UNC5A: variants seen among roughly 807,000 people sequenced by gnomAD.
UNC5A encodes the protein unc-5 netrin receptor A.
A neutral mutation model predicts 87.4 loss-of-function variants in UNC5A; 20 were observed. That is an observed-to-expected ratio of 0.23 (90% CI 0.16 to 0.33). The LOEUF is 0.33. UNC5A is among the 10% of genes least tolerant of loss of function. The pLI is 1.00. For synonymous variants in UNC5A, 438 were observed against 482.3 expected, an observed-to-expected ratio of 0.91 and a Z score of 1.20; for missense variants, 844 against 1,133.4, an observed-to-expected ratio of 0.74 and a Z score of 3.67.
chr5:176,832,191 C>G (rs1037797012), intron 1 of UNC5A, among the ~76,000 whole-genome samples: 5 of 152,214 alleles, frequency 3.3e-5, no homozygotes, highest in Non-Finnish European at 5.9e-5. Flanking sequence ...GCCACCATGC[C>G]TGGCCTCACA....
At chr5:176,813,947 G>T (rs185057466) in intron 1 of UNC5A, among the ~76,000 whole-genome samples, 2 of 152,254 alleles carry the variant, frequency 1.3e-5, no homozygotes, top group East Asian at 1.9e-4. Context: ...CCTCCCAAGG[G>T]CCCTGCCGTC....
chr5:176,843,966 A>G (rs1757341374), intron 1 of UNC5A, among the ~76,000 whole-genome samples: 1 of 152,274 alleles, frequency 6.6e-6, no homozygotes, highest in African/African-American at 2.4e-5. Flanking sequence ...CGTTAGCAAG[A>G]AAGATGCCAC....
chr5:176,858,147 G>A (rs1010130192), intron 1 of UNC5A, among the ~76,000 whole-genome samples: 3 of 152,246 alleles, frequency 2.0e-5, no homozygotes, highest in Non-Finnish European at 4.4e-5. Context: ...GCACGGCATG[G>A]ACCGAGGATG....
chr5:176,865,389 C>G lies in UNC5A; in HGVS notation c.292+2544C>G, dbSNP rs1206119648. The G allele has an allele frequency of 2.8e-6, 1 of 351,970 alleles. No individual in the cohort carries two copies. Among genetic ancestry groups the G allele is most frequent in the Non-Finnish European group, 5.6e-6 (1 of 178,288 alleles). The allele number at this position is 351,970 out of a possible 1,614,324, so 21.8% of individuals were successfully genotyped here. On this transcript the variant is annotated intron_variant, in intron 2 of 14. Coordinates refer to ENST00000329542, the MANE Select transcript of UNC5A (RefSeq NM_133369.3). The surrounding 1 kb of genome is among the most constrained non-coding windows in gnomAD (Gnocchi z 5.3). ...CCTTGCCTGAATGAGCAGTCGCAGG[C>G]CCGGGCCGGCACACACACCGGGAGC...
chr5:176,849,986 C>T lies in UNC5A; in HGVS notation c.71-12638C>T, dbSNP rs375482386. Among the ~76,000 whole-genome samples the T allele has an allele frequency of 9.2e-5, 14 of 152,348 alleles. No individual in the cohort carries two copies. The East Asian group carries it at 1.9e-3, about 21-fold the overall frequency. On this transcript the variant is annotated intron_variant, in intron 1 of 14. Coordinates refer to ENST00000329542, the MANE Select transcript of UNC5A (RefSeq NM_133369.3). Reference sequence around the variant, plus strand: ...TGGACACTGCTGAGAAGAGTTGGCTCCCACCTGCTGTGTGCACTGGAGGGT... The same window carrying T: ...TGGACACTGCTGAGAAGAGTTGGCTTCCACCTGCTGTGTGCACTGGAGGGT...
In UNC5A at chr5:176,843,085, C is replaced by T. The variant is rs552915589; in HGVS notation, c.71-19539C>T. ...CTGAGGCAGGAGAATCACTTGAACCCAGGAGGCAGTGGTTGCAGTGAGCCG... is the reference window on the plus strand; with the variant it reads ...CTGAGGCAGGAGAATCACTTGAACCTAGGAGGCAGTGGTTGCAGTGAGCCG... On this transcript the variant is annotated intron_variant, in intron 1 of 14. Transcript: ENST00000329542. 2.2e-3 allele frequency among the ~76,000 whole-genome samples: 325 copies of T among 150,426 alleles called. 5 individuals are homozygous for T. The highest frequency in any genetic ancestry group is 3.4e-4 in the Non-Finnish European group (23 of 67,852).
rs1417107688 is a variant in UNC5A, at chr5:176,866,454, C to T, written c.293-1676C>T. Among the ~76,000 whole-genome samples, 1 of 152,102 alleles carries T rather than the reference C, an allele frequency of 6.6e-6. No individual in the cohort carries two copies. Among genetic ancestry groups the T allele is most frequent in the Non-Finnish European group, 1.5e-5 (1 of 68,006 alleles). ...AAGGCAAAGGGAGAAGAAAAGGGAG[C>T]GCTTAAAGGTAGTGCTGTTCTCCCA... On this transcript the variant is annotated intron_variant, in intron 2 of 14. Coordinates refer to ENST00000329542, the MANE Select transcript of UNC5A (RefSeq NM_133369.3). The surrounding 1 kb of genome is among the most constrained non-coding windows in gnomAD (Gnocchi z 5.0).
chr5:176,849,760 G>T (rs1757498761), intron 1 of UNC5A, among the ~76,000 whole-genome samples: 1 of 152,210 alleles, frequency 6.6e-6, no homozygotes, highest in South Asian at 2.1e-4. Context: ...GCCAGGTGGA[G>T]GCAGAGTGGG....
Position 176,878,140 on chromosome 5 carries a change from C to A in UNC5A, c.1869+13C>A. 6.2e-7 allele frequency: 1 copy of A among 1,605,202 alleles called. No homozygotes were observed. Among genetic ancestry groups the A allele is most frequent in the Non-Finnish European group, 8.5e-7 (1 of 1,178,210 alleles). On this transcript the variant is annotated intron_variant, in intron 11 of 14. Coordinates refer to ENST00000329542, the MANE Select transcript of UNC5A (RefSeq NM_133369.3). ...CGATGCACTCAAGGTATCTCCCGCC[C>A]CTCACCCCCCGCCGCTGGGAGGCCG...
Position 176,869,798 on chromosome 5 carries a change from C to T in UNC5A, c.722-572C>T. On this transcript the variant is annotated intron_variant, in intron 5 of 14. Transcript: ENST00000329542. This position sits in a 1 kb window ranked among gnomAD's most constrained non-coding sequence, Gnocchi z 9.1. The stretch of plus-strand genomic sequence containing the variant: ...TGTGCCCAGGTACCAGCGGCCACCG[C>T]CTCCCGCATCGTTCCTCACCACGCC... 1 of 588,054 alleles carries T rather than the reference C, an allele frequency of 1.7e-6. No individual in the cohort carries two copies. The allele number at this position is 588,054 out of a possible 1,614,324, so 36.4% of individuals were successfully genotyped here. A position where few individuals can be genotyped will look rare whatever the true frequency, so the allele number is the denominator to read the frequency against.
intron 13 of UNC5A, 54 bp downstream of exon 13, chr5:176,878,693 C>A: frequency 6.4e-7 from 1 of 1,567,282 alleles, no homozygotes; most frequent in Non-Finnish European, 8.7e-7. Context: ...ACCAACTCCC[C>A]ACCAGCCCCC....
At chr5:176,817,742 G>C (rs1007981271) in intron 1 of UNC5A, among the ~76,000 whole-genome samples, 1 of 152,032 alleles carries the variant, frequency 6.6e-6, no homozygotes, top group Non-Finnish European at 1.5e-5. Context: ...CGTGGAGCGC[G>C]GGTGCCCGAG....
In UNC5A at chr5:176,868,573, A is replaced by T; in HGVS notation, c.449A>T (p.Asn150Ile). The change falls in exon 4 of 15, where the codon AAC becomes ATC. Residue 150 changes from asparagine (N) to isoleucine (I), a missense_variant. Transcript: ENST00000329542. ...ATTCCTCTTCTAGATTTGCGCAAGA[A>T]CTTCGAGCAGGAGCCGCTGGCCAAG... ...AYIRIAYLRK[N>I]FEQEPLAKEV... 2 of 1,602,590 alleles carry T rather than the reference A, an allele frequency of 1.2e-6. No individual in the cohort carries two copies. The highest frequency in any genetic ancestry group is 1.7e-6 in the Non-Finnish European group (2 of 1,175,364).
Position 176,822,620 on chromosome 5 carries a change from G to A in UNC5A, c.70+11800G>A, listed in dbSNP as rs111691490. Among the ~76,000 whole-genome samples, 426 of 152,324 alleles carry A rather than the reference G, an allele frequency of 2.8e-3. 6 individuals carry two copies. The highest frequency in any genetic ancestry group is 9.7e-3 in the African/African-American group (403 of 41,562). On this transcript the variant is annotated intron_variant, in intron 1 of 14. Transcript: ENST00000329542. ...TGGCAGAGGCCACAGCCACATTTGA[G>A]AGCCCAGACAGGCCCAACAAGGACA...
rs76915350 is a variant in UNC5A, at chr5:176,856,323, G to A, written c.71-6301G>A. On this transcript the variant is annotated intron_variant, in intron 1 of 14. Coordinates refer to ENST00000329542, the MANE Select transcript of UNC5A (RefSeq NM_133369.3). ...GCCAGCGGGTGGCTGGGGGCAGCCT[G>A]GAGCCAGGGGCTTCTCCTGCCCGCC... Among the ~76,000 whole-genome samples, 868 of 152,312 alleles carry A rather than the reference G, an allele frequency of 5.7e-3. 26 individuals carry two copies. In the East Asian group the frequency reaches 0.088, roughly 15 times the overall value.
chr5:176,863,349 G>GT (rs1294421999), intron 2 of UNC5A, among the ~76,000 whole-genome samples: 1 of 152,228 alleles, frequency 6.6e-6, no homozygotes, highest in Non-Finnish European at 1.5e-5. Context: ...GGGGTCAGCA[G>GT]TGAGGGTGAG....
chr5:176,872,885 AC>A (rs1294502922), intron 6 of UNC5A, among the ~76,000 whole-genome samples: 6 of 77,366 alleles, frequency 7.8e-5, no homozygotes, highest in South Asian at 4.7e-4. Flanking sequence ...ATCTGCCCAC[AC>A]CTGCCCCAAC....
At position 176,851,089 on chromosome 5, in the gene UNC5A, C is replaced by A. The variant is rs138975676; in HGVS notation, c.71-11535C>A. On this transcript the variant is annotated intron_variant, in intron 1 of 14. Transcript: ENST00000329542. ...CCTAGCACGGTGCCAGGACATGTTG[C>A]CAGATGCATGCTCCTGGTTGAGAGC... is the stretch of plus-strand genomic sequence containing the variant. Among the ~76,000 whole-genome samples the A allele has an allele frequency of 3.5e-3, 528 of 152,324 alleles. 2 individuals carry two copies. Among genetic ancestry groups the A allele is most frequent in the African/African-American group, 0.012 (488 of 41,570 alleles).
intron 6 of UNC5A, among the ~76,000 whole-genome samples, chr5:176,873,260 C>T (rs920153894): frequency 2.0e-5 from 3 of 152,224 alleles, no homozygotes; most frequent in Non-Finnish European, 2.9e-5. Flanking sequence ...GTGGGAATGC[C>T]GGGCTTGTGA....
Sources: gnomAD v4.1 joint callset for allele counts (sites outside exome capture counted in the v4.1 genomes callset) on GRCh38, gnomAD v4.1.1 for gene constraint, Gnocchi (gnomAD v3.1) non-coding constraint, MANE v1.5 for transcripts, NCBI Gene and HGNC (gene_info 2026-07-23, HGNC 2026-07-21) for gene names.